Variants in FAT3 observed in about 807,000 individuals in gnomAD.
The protein encoded by FAT3 is protocadherin Fat 3.
A neutral mutation model predicts 310.2 loss-of-function variants in FAT3; 95 were observed. The ratio of observed to expected loss-of-function variants is 0.31; its 90% CI spans 0.26 to 0.36. FAT3 has a LOEUF of 0.36. FAT3 is among the 10% of genes least tolerant of loss of function. The pLI, the probability that FAT3 is intolerant of heterozygous loss-of-function variation, is 1.00. For missense variants in FAT3, 5,408 were observed against 5,715.6 expected, an observed-to-expected ratio of 0.95 and a Z score of 1.74; for synonymous variants, 2,314 against 2,192.9, an observed-to-expected ratio of 1.06 and a Z score of -1.54.
Position 92,815,860 on chromosome 11 carries a change from G to A in FAT3, c.9481+5784G>A, listed in dbSNP as rs934291287. 3.9e-5 allele frequency among the ~76,000 whole-genome samples: 6 copies of A among 152,310 alleles called. No homozygotes were observed. The South Asian group carries it at 6.2e-4, about 16-fold the overall frequency. ...AGGAATAAAGACATGTTTGCTCATCGTGACAGTCTTGCCTTCAAGGGGTTT... is the reference window on the plus strand; with the variant it reads ...AGGAATAAAGACATGTTTGCTCATCATGACAGTCTTGCCTTCAAGGGGTTT... On this transcript the variant is annotated intron_variant, in intron 13 of 27. Coordinates refer to ENST00000525166, the MANE Select transcript of FAT3 (RefSeq NM_001367949.2).
At chr11:92,499,320 G>A (rs1465211871) in intron 2 of FAT3, among the ~76,000 whole-genome samples, 1 of 152,098 alleles carries the variant, frequency 6.6e-6, no homozygotes, top group Non-Finnish European at 1.5e-5. Context: ...TGGCCCAATT[G>A]TCTAAGTTCA....
rs372633741 is a variant in FAT3 at position 92,286,362 on chromosome 11, T to C, written c.-18+61188T>C. 2.4e-4 allele frequency among the ~76,000 whole-genome samples: 36 copies of C among 152,220 alleles called. No individual in the cohort carries two copies. The South Asian group carries it at 7.5e-3, about 32-fold the overall frequency. On this transcript the variant is annotated intron_variant, in intron 1 of 27. Transcript: ENST00000525166. ...TGCAGAAGCCTGGATAATCGAGCAG[T>C]GCGTAATGGGATGTGAATGCCGAAG...
intron 2 of FAT3, among the ~76,000 whole-genome samples, chr11:92,504,194 A>G (rs1953032220): frequency 6.6e-6 from 1 of 152,192 alleles, no homozygotes; most frequent in Non-Finnish European, 1.5e-5. Context: ...TGTGAGAGCC[A>G]GAAGACCACA....
At chr11:92,539,300 T>A (rs1954364428) in intron 3 of FAT3, among the ~76,000 whole-genome samples, 1 of 152,196 alleles carries the variant, frequency 6.6e-6, no homozygotes, top group African/African-American at 2.4e-5. Context: ...GAAATGACTT[T>A]CAGTTTAAAA....
At chr11:92,740,290 A>G (rs1402828625) in intron 4 of FAT3, among the ~76,000 whole-genome samples, 2 of 152,190 alleles carry the variant, frequency 1.3e-5, no homozygotes, top group African/African-American at 4.8e-5. Flanking sequence ...CAGATACACA[A>G]CTGAGTTACA....
At chr11:92,466,163 G>A (rs1951755919) in intron 2 of FAT3, among the ~76,000 whole-genome samples, 1 of 152,144 alleles carries the variant, frequency 6.6e-6, no homozygotes, top group Admixed American at 6.6e-5. Flanking sequence ...TATGATGTGA[G>A]CTCTGACTCT....
chr11:92,543,950 C>G (rs2446188), intron 3 of FAT3, among the ~76,000 whole-genome samples: 61,459 of 151,914 alleles, frequency 0.4, 12,892 homozygotes, highest in Middle Eastern at 0.54. Flanking sequence ...CTTCATTTCA[C>G]TTTTATTGAT....
chr11:92,866,698 A>C (rs1236355117), intron 21 of FAT3, 43 bp from the exon 22 acceptor site: 1 of 1,550,490 alleles, frequency 6.4e-7, no homozygotes, highest in Non-Finnish European at 8.8e-7. Context: ...ACATATTCCC[A>C]GTTGCATGTT....
At chr11:92,315,506 T>TAGAGAGAGAGAG (rs1947426429) in intron 1 of FAT3, among the ~76,000 whole-genome samples, 3 of 86,606 alleles carry the variant, frequency 3.5e-5, no homozygotes, top group Non-Finnish European at 6.7e-5. Flanking sequence ...TATATATATA[T>TAGAGAGAGAGAG]ATATATAGAG....
At chr11:92,683,789 C>T (rs1943554721) in intron 3 of FAT3, among the ~76,000 whole-genome samples, 1 of 152,186 alleles carries the variant, frequency 6.6e-6, no homozygotes, top group Non-Finnish European at 1.5e-5. Context: ...CTTCCAACAA[C>T]TTTCTTTTTC....
chr11:92,437,725 C>A (rs1240099037), intron 2 of FAT3, among the ~76,000 whole-genome samples: 2 of 152,080 alleles, frequency 1.3e-5, no homozygotes, highest in Non-Finnish European at 2.9e-5. Flanking sequence ...TGGGGGTAAT[C>A]CAGCTTGGCT....
chr11:92,837,513 A>G, intron 16 of FAT3, 150 bp from the exon 17 acceptor site: 3 of 902,784 alleles, frequency 3.3e-6, no homozygotes, highest in South Asian at 3.5e-5. Context: ...CCCAAATGTC[A>G]GTGGTGCCAA....
intron 3 of FAT3, among the ~76,000 whole-genome samples, chr11:92,680,742 C>T (rs1359288152): frequency 6.6e-6 from 1 of 152,210 alleles, no homozygotes; most frequent in African/African-American, 2.4e-5. Flanking sequence ...CATATTCACT[C>T]TTCTTCCCAT....
At chr11:92,559,117 TTGTG>T (rs1228556770) in intron 3 of FAT3, among the ~76,000 whole-genome samples, 2 of 152,156 alleles carry the variant, frequency 1.3e-5, no homozygotes, top group Non-Finnish European at 2.9e-5. Flanking sequence ...TTTTTGTTAT[TTGTG>T]TGTGCATGTA....
At chr11:92,430,192 C>T (rs1411319541) in intron 2 of FAT3, among the ~76,000 whole-genome samples, 1 of 152,164 alleles carries the variant, frequency 6.6e-6, no homozygotes. Context: ...GTGTGTGCTT[C>T]ACAAAGTCCT....
chr11:92,853,525 C>A (rs1948887554), intron 19 of FAT3, among the ~76,000 whole-genome samples: 1 of 152,146 alleles, frequency 6.6e-6, no homozygotes, highest in African/African-American at 2.4e-5. Flanking sequence ...TTCAGTCCCA[C>A]CATTCGTCAG....
At chr11:92,561,290 T>TGTGTGTG (rs1565412887) in intron 3 of FAT3, among the ~76,000 whole-genome samples, 2 of 150,638 alleles carry the variant, frequency 1.3e-5, no homozygotes, top group African/African-American at 2.5e-5. Flanking sequence ...TGTGTGTGTG[T>TGTGTGTG]TTACCCAAAA....
intron 3 of FAT3, among the ~76,000 whole-genome samples, chr11:92,599,101 T>C (rs941027032): frequency 2.6e-5 from 4 of 152,114 alleles, no homozygotes; most frequent in African/African-American, 9.7e-5. Context: ...CTCTAATGAG[T>C]GTTACTATTC....
At chr11:92,869,323 C>T (rs1460427156) in intron 22 of FAT3, among the ~76,000 whole-genome samples, 5 of 152,346 alleles carry the variant, frequency 3.3e-5, no homozygotes, top group East Asian at 1.9e-4. Context: ...AGTAGACACC[C>T]GGACGTGTCC....
Sources: allele counts gnomAD v4.1 joint callset (sites outside exome capture counted in the v4.1 genomes callset), GRCh38; gene constraint gnomAD v4.1.1; transcripts MANE v1.5; gene names NCBI Gene and HGNC (gene_info 2026-07-23, HGNC 2026-07-21).